DENND2B: variants seen among roughly 807,000 people sequenced by gnomAD.
The protein encoded by DENND2B is DENN domain-containing protein 2B.
DENND2B carries 32 observed loss-of-function variants against 116.0 expected under a neutral mutation model. That is an observed-to-expected ratio of 0.28 (90% CI 0.21 to 0.37). The LOEUF is 0.37. Among genes scored for constraint, DENND2B ranks in the 10% least tolerant of loss-of-function variants. DENND2B has a pLI of 1.00. For synonymous variants in DENND2B, 588 were observed against 583.9 expected (o/e 1.01, Z -0.10); for missense variants, 1,276 against 1,477.7 (o/e 0.86, Z 2.24).
At chr11:8,708,771 G>C (rs2043067350) in intron 11 of DENND2B, among the ~76,000 whole-genome samples, 1 of 152,106 alleles carries the variant, frequency 6.6e-6, no homozygotes, top group Non-Finnish European at 1.5e-5. Flanking sequence ...GACCAACATG[G>C]AGAAACCCCA....
chr11:8,821,135 T>A (rs1015144229), intron 4 of DENND2B, among the ~76,000 whole-genome samples: 78 of 146,104 alleles, frequency 5.3e-4, no homozygotes, highest in African/African-American at 1.7e-3. Flanking sequence ...AAAAAAAAAA[T>A]TAATTAATTA....
intron 4 of DENND2B, chr11:8,718,536 G>C: frequency 7.0e-7 from 1 of 1,430,074 alleles, no homozygotes; most frequent in Non-Finnish European, 9.1e-7. Flanking sequence ...GTAATGATCT[G>C]TTCGATGACT....
At chr11:8,714,922 T>C (rs2044446759) in intron 6 of DENND2B, among the ~76,000 whole-genome samples, 2 of 152,004 alleles carry the variant, frequency 1.3e-5, no homozygotes, top group Non-Finnish European at 1.5e-5. Context: ...CCAGGAGTGG[T>C]CTCCTGCCCC....
chr11:8,892,730 G>C (rs1017964859), intron 1 of DENND2B, among the ~76,000 whole-genome samples: 2 of 152,080 alleles, frequency 1.3e-5, no homozygotes, highest in African/African-American at 2.4e-5. Flanking sequence ...ACCAATAACA[G>C]GCTCTGAAAT....
At chr11:8,764,558 G>A (rs2055278199) in intron 1 of DENND2B, among the ~76,000 whole-genome samples, 1 of 152,210 alleles carries the variant, frequency 6.6e-6, no homozygotes, top group African/African-American at 2.4e-5. Flanking sequence ...AGGTTGGCAT[G>A]AGGCTCTAGA....
intron 2 of DENND2B, among the ~76,000 whole-genome samples, chr11:8,866,461 A>G (rs1282606216): frequency 6.6e-6 from 1 of 152,240 alleles, no homozygotes; most frequent in Non-Finnish European, 1.5e-5. Flanking sequence ...AACTAGGTTC[A>G]AGAGCATTCT....
chr11:8,780,940 C>T (rs1482543709), intron 1 of DENND2B, among the ~76,000 whole-genome samples: 3 of 152,014 alleles, frequency 2.0e-5, no homozygotes, highest in South Asian at 2.1e-4. Context: ...AGAGGCTACA[C>T]AGGCAGAGAA....
chr11:8,849,513 A>C lies in DENND2B; in HGVS notation c.-156+7830T>G, dbSNP rs1053670702. On this transcript the variant is annotated intron_variant, in intron 3 of 6. Transcript: ENST00000524757. ...CTCAAAAAAAAAAAAAAAAAAAAAA[A>C]CAGACAGAAAGACTGAAGAGACTGA... is the stretch of plus-strand genomic sequence containing the variant. Among the ~76,000 whole-genome samples, 1,234 of 131,636 alleles carry C rather than the reference A, an allele frequency of 9.4e-3. 11 individuals carry two copies. Among genetic ancestry groups the C allele is most frequent in the Non-Finnish European group, 0.014 (853 of 60,932 alleles). 86.4% of individuals were successfully genotyped at this position (131,636 alleles called of 152,430 possible). A position where few individuals can be genotyped will look rare whatever the true frequency, so the allele number is the denominator to read the frequency against.
At position 8,702,669 on chromosome 11, in the gene DENND2B, C is replaced by G; in HGVS notation, c.2623G>C (p.Glu875Gln). The G allele has an allele frequency of 6.2e-7, 1 of 1,613,996 alleles. No individual in the cohort carries two copies. ...ACACTGAGGCAGGTAAAAAGGCACT[C>G]AAAGTCCACGTGCTCCAGCCTTGAG... ...MDSRLEHVDF[E>Q]CLFTCLSVRQ... Residue 875 changes from glutamate to glutamine, a missense_variant, in exon 14 of 20, where the codon GAG becomes CAG. Transcript: ENST00000313726. This position sits in a 1 kb window ranked among gnomAD's most constrained non-coding sequence, Gnocchi z 4.6.
chr11:8,908,732 C>T (rs954069198), intron 1 of DENND2B, among the ~76,000 whole-genome samples: 1 of 152,190 alleles, frequency 6.6e-6, no homozygotes, highest in African/African-American at 2.4e-5. Context: ...AGCTTGATAG[C>T]ATTTTATCTG....
intron 4 of DENND2B, among the ~76,000 whole-genome samples, chr11:8,719,506 T>C (rs2045759672): frequency 6.6e-6 from 1 of 152,138 alleles, no homozygotes; most frequent in African/African-American, 2.4e-5. Context: ...TGTAACACAG[T>C]CATGCTATTA....
intron 1 of DENND2B, among the ~76,000 whole-genome samples, chr11:8,888,079 C>G (rs1264710580): frequency 6.6e-6 from 1 of 152,220 alleles, no homozygotes; most frequent in East Asian, 1.9e-4. Context: ...ATTTGCACAG[C>G]AGCATCTGTC....
chr11:8,711,377 A>G, intron 9 of DENND2B, 146 bp from the exon 10 acceptor site: 1 of 661,094 alleles, frequency 1.5e-6, no homozygotes, highest in Non-Finnish European at 2.7e-6. Context: ...GAATTCTTAC[A>G]GAGCCCAGAG....
chr11:8,863,032 A>G (rs2063450807), intron 2 of DENND2B, among the ~76,000 whole-genome samples: 2 of 152,080 alleles, frequency 1.3e-5, no homozygotes, highest in South Asian at 4.2e-4. Context: ...TGAGCTACTC[A>G]TGGAGGTTTT....
At chr11:8,902,047 G>C (rs1048539367) in intron 1 of DENND2B, among the ~76,000 whole-genome samples, 2 of 152,264 alleles carry the variant, frequency 1.3e-5, no homozygotes, top group Non-Finnish European at 1.5e-5. Flanking sequence ...TGAGGATTGG[G>C]CTGGGCACGG....
intron 1 of DENND2B, among the ~76,000 whole-genome samples, chr11:8,889,196 A>G (rs1317820324): frequency 6.6e-6 from 1 of 152,262 alleles, no homozygotes; most frequent in Non-Finnish European, 1.5e-5. Flanking sequence ...TCAATGGATG[A>G]ATGGATAAGC....
At chr11:8,812,274 G>A (rs905254742), upstream of DENND2B, among the ~76,000 whole-genome samples, 2 of 152,158 alleles carry the variant, frequency 1.3e-5, no homozygotes, top group Non-Finnish European at 2.9e-5. Flanking sequence ...AAGTTGTGGC[G>A]AGATAGGCTG....
chr11:8,746,396 T>C (rs2051256961), intron 2 of DENND2B, among the ~76,000 whole-genome samples: 1 of 152,256 alleles, frequency 6.6e-6, no homozygotes, highest in African/African-American at 2.4e-5. Context: ...TCATTTGTAA[T>C]GTAAGTTACT....
Position 8,699,377 on chromosome 11 carries a change from A to T in DENND2B, c.2734T>A (p.Cys912Ser). 6.2e-7 allele frequency: 1 copy of T among 1,603,514 alleles called. No individual in the cohort carries two copies. Among genetic ancestry groups the T allele is most frequent in the East Asian group, 2.2e-5 (1 of 44,724 alleles). The change falls in exon 15 of 20, where the codon TGC becomes AGC. Residue 912 changes from cysteine to serine, a missense_variant. Coordinates refer to ENST00000313726, the MANE Select transcript of DENND2B (RefSeq NM_213618.2). The stretch of plus-strand genomic sequence containing the variant: ...AGCAAGGCCACCACCGCGTGGGAGC[A>T]GCTGGAGAGGGTACTGATGGGCAGA... ...VADKLSTLSS[C>S]SHAVVALLYP...
Sources: allele counts gnomAD v4.1 joint callset (sites outside exome capture counted in the v4.1 genomes callset), GRCh38; gene constraint gnomAD v4.1.1; non-coding constraint Gnocchi (gnomAD v3.1); transcripts MANE v1.5; gene names NCBI Gene and HGNC (gene_info 2026-07-23, HGNC 2026-07-21).